The following DSCAM variants were observed in gnomAD, a reference collection of about 807,000 sequenced individuals.
DSCAM encodes the protein DS cell adhesion molecule.
DSCAM carries 47 observed loss-of-function variants against 217.7 expected under a neutral mutation model. That is an observed-to-expected ratio of 0.22 (90% CI 0.17 to 0.28). DSCAM has a LOEUF of 0.28. DSCAM is among the 10% of genes least tolerant of loss of function. DSCAM has a pLI of 1.00. For missense variants in DSCAM, 2,080 were observed against 2,618.3 expected, an observed-to-expected ratio of 0.79 and a Z score of 4.49; for synonymous variants, 1,056 against 1,015.3, an observed-to-expected ratio of 1.04 and a Z score of -0.76.
At chr21:40,319,416 CTAAA>C (rs1289948896) in intron 8 of DSCAM, among the ~76,000 whole-genome samples, 4 of 151,862 alleles carry the variant, frequency 2.6e-5, no homozygotes, top group Non-Finnish European at 4.4e-5. Context: ...ACAAGAAAGG[CTAAA>C]TAATGTTCGT....
At chr21:40,184,736 T>TG (rs1334316396) in intron 14 of DSCAM, among the ~76,000 whole-genome samples, 3 of 152,214 alleles carry the variant, frequency 2.0e-5, no homozygotes. Flanking sequence ...GACATTGTGC[T>TG]GGGTGCTGGG....
chr21:40,765,190 G>T (rs1197488411), intron 1 of DSCAM, among the ~76,000 whole-genome samples: 1 of 152,136 alleles, frequency 6.6e-6, no homozygotes, highest in East Asian at 1.9e-4. Context: ...AAGTAGGAGA[G>T]GGTGCTGAGG....
At chr21:40,253,696 A>G (rs1031570928) in intron 11 of DSCAM, among the ~76,000 whole-genome samples, 2 of 152,222 alleles carry the variant, frequency 1.3e-5, no homozygotes, top group Non-Finnish European at 2.9e-5. Flanking sequence ...ACTCTGAGCA[A>G]TGCAACTCAG....
chr21:40,076,400 T>G (rs554314177), intron 26 of DSCAM, among the ~76,000 whole-genome samples: 2 of 152,306 alleles, frequency 1.3e-5, no homozygotes, highest in African/African-American at 4.8e-5. Flanking sequence ...CTGAGTGGTA[T>G]GAATGTAGGC....
chr21:40,788,411 T>C (rs1015641507), intron 1 of DSCAM, among the ~76,000 whole-genome samples: 1 of 152,214 alleles, frequency 6.6e-6, no homozygotes, highest in Non-Finnish European at 1.5e-5. Context: ...GAAAAATAAC[T>C]TTTGTTTTAT....
intron 1 of DSCAM, among the ~76,000 whole-genome samples, chr21:40,806,413 A>G (rs1035310831): frequency 6.6e-6 from 1 of 152,204 alleles, no homozygotes; most frequent in Non-Finnish European, 1.5e-5. Flanking sequence ...CCTGACAGAG[A>G]TCTGATGATA....
At chr21:40,451,043 C>A (rs894991536) in intron 3 of DSCAM, among the ~76,000 whole-genome samples, 1 of 152,150 alleles carries the variant, frequency 6.6e-6, no homozygotes, top group African/African-American at 2.4e-5. Flanking sequence ...GGCAGGCCTA[C>A]AAATAAGCAT....
chr21:40,362,646 C>G (rs1408060992), intron 4 of DSCAM, among the ~76,000 whole-genome samples: 1 of 152,102 alleles, frequency 6.6e-6, no homozygotes, highest in African/African-American at 2.4e-5. Context: ...CCCTTCTGAA[C>G]TAAGGTTATT....
At chr21:40,045,599 C>A (rs1299551992) in intron 30 of DSCAM, among the ~76,000 whole-genome samples, 1 of 152,190 alleles carries the variant, frequency 6.6e-6, no homozygotes, top group Non-Finnish European at 1.5e-5. Context: ...GAGAGAGGTT[C>A]AGTTACCTGG....
chr21:40,094,474 C>T (rs1442183178), intron 20 of DSCAM, among the ~76,000 whole-genome samples: 2 of 152,156 alleles, frequency 1.3e-5, no homozygotes, highest in East Asian at 3.9e-4. Context: ...ACACAAAGGA[C>T]AAGCTCTGGA....
chr21:40,751,885 G>A (rs1424204830), intron 1 of DSCAM, among the ~76,000 whole-genome samples: 1 of 152,126 alleles, frequency 6.6e-6, no homozygotes, highest in African/African-American at 2.4e-5. Flanking sequence ...TCACCTCCTT[G>A]TAATCCAATA....
intron 3 of DSCAM, among the ~76,000 whole-genome samples, chr21:40,403,212 A>C (rs2075252688): frequency 6.6e-6 from 1 of 152,226 alleles, no homozygotes; most frequent in Non-Finnish European, 1.5e-5. Flanking sequence ...AATATTAAAA[A>C]GGAAAAGGTA....
chr21:40,774,087 T>C (rs2091468517), intron 1 of DSCAM, among the ~76,000 whole-genome samples: 1 of 152,154 alleles, frequency 6.6e-6, no homozygotes, highest in African/African-American at 2.4e-5. Context: ...AGAAGGGAGC[T>C]TCCAGAGCAC....
At chr21:40,409,460 C>G (rs1332217778) in intron 3 of DSCAM, among the ~76,000 whole-genome samples, 2 of 152,166 alleles carry the variant, frequency 1.3e-5, no homozygotes, top group Admixed American at 1.3e-4. Flanking sequence ...GTTGAGAGCA[C>G]AGTTTCAACG....
chr21:40,746,556 A>C (rs1297749936), intron 1 of DSCAM, among the ~76,000 whole-genome samples: 2 of 151,938 alleles, frequency 1.3e-5, no homozygotes, highest in Non-Finnish European at 2.9e-5. Flanking sequence ...TGAGACCCTC[A>C]AATATGTAAG....
At chr21:40,709,512 C>G (rs1038112343) in intron 1 of DSCAM, among the ~76,000 whole-genome samples, 3 of 152,208 alleles carry the variant, frequency 2.0e-5, no homozygotes, top group South Asian at 2.1e-4. Flanking sequence ...CCAACAGGCC[C>G]CGGTGTGTGA....
rs765943654 is a variant in DSCAM at position 40,124,319 on chromosome 21, G to A, written c.3572C>T (p.Pro1191Leu). Residue 1191 changes from proline to leucine, a missense_variant, in exon 20 of 33, where the codon CCT becomes CTT. Physicochemically the swap from Pro to Leu is moderately conservative, Grantham distance 98. Transcript: ENST00000400454. ...FTRTKEDVPG[P>L]PAGVKAAAAS... ...CGCCGCTGCCTTCACACCCGCGGGA[G>A]GACCTGGAACTGGAAGAGCCGTGTG... 6.2e-7 allele frequency: 1 copy of A among 1,613,904 alleles called. No individual in the cohort carries two copies. Among genetic ancestry groups the A allele is most frequent in the South Asian group, 1.1e-5 (1 of 91,078 alleles).
intron 3 of DSCAM, among the ~76,000 whole-genome samples, chr21:40,502,247 GA>G (rs1568857707): frequency 6.6e-6 from 1 of 151,904 alleles, no homozygotes; most frequent in African/African-American, 2.4e-5. Context: ...CATTTTTATT[GA>G]CACTAATAAC....
Position 40,339,196 on chromosome 21 carries a change from C to T in DSCAM, c.1430G>A (p.Arg477Gln), listed in dbSNP as rs1156542414. Residue 477 changes from arginine to glutamine, a missense_variant, in exon 7 of 33, where the codon CGG (arginine) becomes CAG (glutamine). Physicochemically the swap from Arg to Gln is conservative, Grantham distance 43 (BLOSUM62 1). Transcript: ENST00000400454. The stretch of plus-strand genomic sequence containing the variant: ...AGTGCAGCGGTAGACTCCCCCGTCC[C>T]GGACCTGGGAGCTGGAGATGTTCAG... ...SYLNISSSQVRDGGVYRCTAN... is the reference protein window; with the variant it reads ...SYLNISSSQVQDGGVYRCTAN... 3.7e-6 allele frequency: 6 copies of T among 1,614,174 alleles called. No individual in the cohort carries two copies. The highest frequency in any genetic ancestry group is 3.3e-5 in the South Asian group (3 of 91,078).
Sources: gnomAD v4.1 joint callset for allele counts (sites outside exome capture counted in the v4.1 genomes callset) on GRCh38, gnomAD v4.1.1 for gene constraint, MANE v1.5 for transcripts, NCBI Gene and HGNC (gene_info 2026-07-23, HGNC 2026-07-21) for gene names.